The following ZNF362 variants were observed in gnomAD, a reference collection of about 807,000 sequenced individuals.
The protein encoded by ZNF362 is zinc finger protein 362.
In ZNF362, 11 loss-of-function variants were observed where a neutral mutation model predicts 42.9. The observed-to-expected ratio is 0.26, with a 90% CI of 0.16 to 0.42. ZNF362 has a LOEUF of 0.42. ZNF362 is among the 20% of genes least tolerant of loss of function. The probability of loss-of-function intolerance (pLI) is 1.00; values close to 1 mark genes in which losing one functional copy is unlikely to be tolerated. For synonymous variants in ZNF362, 255 were observed against 257.3 expected (o/e 0.99, Z 0.09); for missense variants, 362 against 576.2 (o/e 0.63, Z 3.81).
the ZNF362 span, among the ~76,000 whole-genome samples, chr1:33,247,939 C>A: frequency 6.6e-6 from 1 of 152,236 alleles, no homozygotes; most frequent in Non-Finnish European, 1.5e-5. Context: ...TCTCCCTTCT[C>A]TGGGTGAGGT....
At position 33,266,842 on chromosome 1, in the gene ZNF362, T is replaced by G. The variant is rs938848592; in HGVS notation, c.-88-3645T>G. On this transcript the variant is annotated intron_variant, in intron 1 of 8. Coordinates refer to ENST00000539719, the MANE Select transcript of ZNF362 (RefSeq NM_152493.3). The surrounding 1 kb of genome is among the most constrained non-coding windows in gnomAD (Gnocchi z 4.3). ...GAGGGATGCTGCCAAGGAGCACACC[T>G]GGTGAGATGAGTGTGGCCAGGGGAC... 1.3e-5 allele frequency among the ~76,000 whole-genome samples: 2 copies of G among 152,146 alleles called. No individual in the cohort carries two copies. The highest frequency in any genetic ancestry group is 4.8e-5 in the African/African-American group (2 of 41,420).
At chr1:33,160,206 G>A in the ZNF362 span, among the ~76,000 whole-genome samples, 3 of 152,048 alleles carry the variant, frequency 2.0e-5, no homozygotes, top group Non-Finnish European at 2.9e-5. Flanking sequence ...TGAGGAACAC[G>A]GTTTGAGAAA....
At chr1:33,289,362 AAG>A (rs1367125654) in intron 6 of ZNF362, among the ~76,000 whole-genome samples, 1 of 152,020 alleles carries the variant, frequency 6.6e-6, no homozygotes, top group Non-Finnish European at 1.5e-5. Context: ...GTCCTGGAAA[AAG>A]AGGGAGACCA....
At chr1:33,179,438 G>A in the ZNF362 span, among the ~76,000 whole-genome samples, 1 of 152,200 alleles carries the variant, frequency 6.6e-6, no homozygotes, top group Non-Finnish European at 1.5e-5. Flanking sequence ...GGGGTTGGGA[G>A]CCCCTACAAT....
At chr1:33,267,227 C>T (rs566709139) in intron 1 of ZNF362, among the ~76,000 whole-genome samples, 2 of 152,270 alleles carry the variant, frequency 1.3e-5, no homozygotes, top group African/African-American at 4.8e-5. Context: ...CTTAAAAAGT[C>T]ACATAAGAAT....
chr1:33,210,859 T>C, the ZNF362 span, among the ~76,000 whole-genome samples: 8 of 152,132 alleles, frequency 5.3e-5, no homozygotes, highest in Admixed American at 1.3e-4. Flanking sequence ...AGCACACCGA[T>C]GGGTCTTAAC....
the ZNF362 span, among the ~76,000 whole-genome samples, chr1:33,192,002 G>A: frequency 2.6e-5 from 4 of 152,326 alleles, no homozygotes; most frequent in African/African-American, 7.2e-5. Context: ...TCTAGCAAAC[G>A]GGAGTGGGAC....
the ZNF362 span, among the ~76,000 whole-genome samples, chr1:33,217,622 T>A: frequency 6.7e-4 from 102 of 152,328 alleles, no homozygotes; most frequent in African/African-American, 2.3e-3. Flanking sequence ...AAAACAACTT[T>A]ATTGTTTTCA....
chr1:33,165,854 C>A, the ZNF362 span: 1 of 264,044 alleles, frequency 3.8e-6, no homozygotes, highest in Non-Finnish European at 7.2e-6. The surrounding 1 kb of genome is among the most constrained non-coding windows in gnomAD (Gnocchi z 4.0). Flanking sequence ...TCTGGCTCCC[C>A]ACACTTGGCC....
the ZNF362 span, chr1:33,159,821 C>T: frequency 8.1e-6 from 13 of 1,613,720 alleles, no homozygotes; most frequent in South Asian, 5.5e-5. The surrounding 1 kb of genome is among the most constrained non-coding windows in gnomAD (Gnocchi z 4.2). Flanking sequence ...TGCTCGATGT[C>T]GGTCAGCGTG....
chr1:33,262,521 A>C (rs538301717), intron 1 of ZNF362, among the ~76,000 whole-genome samples: 27 of 151,854 alleles, frequency 1.8e-4, no homozygotes, highest in Admixed American at 1.0e-3. Flanking sequence ...GTTAGCCAGG[A>C]TGGTCTCGAT....
chr1:33,264,199 A>G (rs1373432205), intron 1 of ZNF362, among the ~76,000 whole-genome samples: 18 of 152,198 alleles, frequency 1.2e-4, no homozygotes, highest in Admixed American at 1.2e-3. Flanking sequence ...GCCAGGGTCC[A>G]GCAGTTGGCT....
At position 33,281,472 on chromosome 1, in the gene ZNF362, G is replaced by A. The variant is rs1645993746; in HGVS notation, c.684-115G>A. On this transcript the variant is annotated intron_variant, in intron 5 of 8. Coordinates refer to ENST00000539719, the MANE Select transcript of ZNF362 (RefSeq NM_152493.3). This position sits in a 1 kb window ranked among gnomAD's most constrained non-coding sequence, Gnocchi z 4.8. ...TTCCCAGGTGGTCCTGTGCTTCTTGGGCTCATCACAGGAAAGACCTGTCCC... is the reference window on the plus strand; with the variant it reads ...TTCCCAGGTGGTCCTGTGCTTCTTGAGCTCATCACAGGAAAGACCTGTCCC... 3 of 965,588 alleles carry A rather than the reference G, an allele frequency of 3.1e-6. No homozygotes were observed. The highest frequency in any genetic ancestry group is 3.1e-5 in the South Asian group (2 of 65,086). 59.8% of individuals were successfully genotyped at this position (965,588 alleles called of 1,614,324 possible).
chr1:33,134,895 C>T, the ZNF362 span, among the ~76,000 whole-genome samples: 1 of 152,230 alleles, frequency 6.6e-6, no homozygotes, highest in Non-Finnish European at 1.5e-5. Flanking sequence ...CCCCTGGCCT[C>T]AGCCTCACCA....
intron 2 of ZNF362, among the ~76,000 whole-genome samples, chr1:33,274,505 G>C (rs1645928212): frequency 6.6e-6 from 1 of 152,182 alleles, no homozygotes; most frequent in Non-Finnish European, 1.5e-5. Flanking sequence ...TTCTTGTGTT[G>C]GGCTGTAAGG....
intron 6 of ZNF362, among the ~76,000 whole-genome samples, chr1:33,283,480 G>A (rs1646011197): frequency 6.6e-6 from 1 of 152,146 alleles, no homozygotes; most frequent in African/African-American, 2.4e-5. Flanking sequence ...GCTGAGATGG[G>A]TTGATCACTT....
the ZNF362 span, among the ~76,000 whole-genome samples, chr1:33,221,917 T>A: frequency 6.6e-6 from 1 of 152,024 alleles, no homozygotes; most frequent in African/African-American, 2.4e-5. Context: ...GTTTCCTCCA[T>A]GGGTGGAGGA....
chr1:33,174,955 A>G, the ZNF362 span, among the ~76,000 whole-genome samples: 245 of 142,830 alleles, frequency 1.7e-3, 1 homozygote, highest in Non-Finnish European at 2.4e-3. Flanking sequence ...GTATATATAT[A>G]TATATATATA....
At chr1:33,179,576 C>T in the ZNF362 span, among the ~76,000 whole-genome samples, 2 of 152,190 alleles carry the variant, frequency 1.3e-5, no homozygotes, top group Non-Finnish European at 2.9e-5. Context: ...CCAAACGCTC[C>T]ACAGTGTGGT....
Sources: gnomAD v4.1 joint callset for allele counts (sites outside exome capture counted in the v4.1 genomes callset) on GRCh38, gnomAD v4.1.1 for gene constraint, Gnocchi (gnomAD v3.1) non-coding constraint, MANE v1.5 for transcripts, NCBI Gene and HGNC (gene_info 2026-07-23, HGNC 2026-07-21) for gene names.